The following SYT1 variants were observed in gnomAD, a reference collection of about 807,000 sequenced individuals.
The protein encoded by SYT1 is synaptotagmin-1.
A neutral mutation model predicts 44.8 loss-of-function variants in SYT1; 8 were observed. The observed-to-expected ratio is 0.18, with a 90% CI of 0.10 to 0.32. SYT1 has a LOEUF of 0.32. Ranked by LOEUF, SYT1 falls within the 10% of genes least tolerant of loss-of-function variation. The pLI is 1.00. For synonymous variants in SYT1, 154 were observed against 188.8 expected (o/e 0.82, Z 1.51); for missense variants, 286 against 509.3 (o/e 0.56, Z 4.22).
At chr12:78,978,653 C>T (rs73148226) in intron 2 of SYT1, among the ~76,000 whole-genome samples, 8,254 of 152,220 alleles carry the variant, frequency 0.054, 253 homozygotes, top group Admixed American at 0.087. Flanking sequence ...ATGAAGTAAA[C>T]GTGAGGTGAT....
At chr12:79,142,685 T>C (rs1342582690) in intron 3 of SYT1, among the ~76,000 whole-genome samples, 1 of 152,192 alleles carries the variant, frequency 6.6e-6, no homozygotes, top group South Asian at 2.1e-4. Context: ...CTCTAGGCAA[T>C]TCATAATTTC....
At chr12:79,043,593 G>C (rs1416080842) in intron 2 of SYT1, among the ~76,000 whole-genome samples, 1 of 151,336 alleles carries the variant, frequency 6.6e-6, no homozygotes, top group Non-Finnish European at 1.5e-5. Flanking sequence ...ATGCCAGTCT[G>C]TGTCTTTTAA....
chr12:79,008,444 G>T (rs77228808), intron 2 of SYT1, among the ~76,000 whole-genome samples: 2 of 152,130 alleles, frequency 1.3e-5, no homozygotes, highest in African/African-American at 4.8e-5. Flanking sequence ...GTTTTCAGCA[G>T]ATAAATACTA....
In SYT1 at chr12:79,090,220, A is replaced by T. The variant is rs1263313434; in HGVS notation, c.-18+42858A>T. 2.6e-5 allele frequency among the ~76,000 whole-genome samples: 4 copies of T among 152,192 alleles called. No individual in the cohort carries two copies. In the East Asian group the frequency reaches 7.7e-4, roughly 29 times the overall value. ...TTGTAGTAAAACTATCCCATTAAAA[A>T]GTTTTTAAGATGTGGAGAATAGATC... On this transcript the variant is annotated intron_variant, in intron 3 of 10. Coordinates refer to ENST00000261205, the MANE Select transcript of SYT1 (RefSeq NM_005639.3).
intron 3 of SYT1, among the ~76,000 whole-genome samples, chr12:79,083,737 A>C (rs1877193882): frequency 6.6e-6 from 1 of 152,144 alleles, no homozygotes; most frequent in Admixed American, 6.6e-5. Flanking sequence ...TGTAATATAC[A>C]CCAACTTCAG....
upstream of SYT1, chr12:78,864,006 C>A (rs1222055847): frequency 2.6e-5 from 4 of 152,210 alleles, no homozygotes; most frequent in African/African-American, 9.7e-5. Flanking sequence ...TCGGCTCCAC[C>A]GCACCCTTCG....
chr12:78,937,665 T>A (rs536502790), intron 1 of SYT1, among the ~76,000 whole-genome samples: 1 of 152,218 alleles, frequency 6.6e-6, no homozygotes, highest in South Asian at 2.1e-4. Flanking sequence ...AGAGAAACGG[T>A]GTTTATGTGT....
At chr12:79,275,296 G>T (rs1878652411) in intron 4 of SYT1, among the ~76,000 whole-genome samples, 1 of 152,110 alleles carries the variant, frequency 6.6e-6, no homozygotes, top group Non-Finnish European at 1.5e-5. Context: ...AAGAGATTTG[G>T]AGAAGGGTAC....
intron 6 of SYT1, 95 bp from the exon 7 acceptor site, chr12:79,295,973 AG>A: frequency 1.5e-6 from 2 of 1,298,634 alleles, no homozygotes; most frequent in Non-Finnish European, 2.1e-6. Flanking sequence ...AAATAGGAAG[AG>A]GGAGAAATCC....
intron 5 of SYT1, among the ~76,000 whole-genome samples, chr12:79,291,161 C>T (rs1047469271): frequency 2.0e-5 from 3 of 152,188 alleles, no homozygotes; most frequent in East Asian, 3.9e-4. Context: ...CTAATATTTC[C>T]ATTTATAGTA....
intron 8 of SYT1, among the ~76,000 whole-genome samples, chr12:79,353,161 T>A (rs535648603): frequency 6.6e-6 from 1 of 152,272 alleles, no homozygotes; most frequent in South Asian, 2.1e-4. Context: ...AACATGAAAA[T>A]TTTGCCAAGA....
At chr12:79,402,752 C>T (rs1885116309) in intron 9 of SYT1, among the ~76,000 whole-genome samples, 1 of 152,154 alleles carries the variant, frequency 6.6e-6, no homozygotes, top group Non-Finnish European at 1.5e-5. Context: ...GATAATAAGA[C>T]ACCATATCCA....
chr12:79,031,905 C>A (rs1202707929), intron 2 of SYT1, among the ~76,000 whole-genome samples: 1 of 151,040 alleles, frequency 6.6e-6, no homozygotes, highest in Non-Finnish European at 1.5e-5. Context: ...TGCAAGCTGG[C>A]ATGTAAGCCT....
chr12:79,435,175 G>A (rs950038272), intron 9 of SYT1, among the ~76,000 whole-genome samples: 11 of 152,150 alleles, frequency 7.2e-5, no homozygotes, highest in African/African-American at 2.4e-4. Flanking sequence ...GCATCCATAA[G>A]AGGAAAGCCT....
chr12:79,281,726 A>C (rs1014393513), intron 4 of SYT1, among the ~76,000 whole-genome samples: 2 of 152,220 alleles, frequency 1.3e-5, no homozygotes, highest in African/African-American at 4.8e-5. Context: ...AATATTACTA[A>C]TGTATAGTTA....
chr12:78,980,625 T>C (rs1230254485), intron 2 of SYT1, among the ~76,000 whole-genome samples: 2 of 152,174 alleles, frequency 1.3e-5, no homozygotes, highest in Non-Finnish European at 2.9e-5. Flanking sequence ...ATGCTATAAA[T>C]GCTGTTTCAT....
At chr12:79,179,493 CTATATA>C (rs1358906392) in intron 3 of SYT1, among the ~76,000 whole-genome samples, 1 of 110,384 alleles carries the variant, frequency 9.1e-6, no homozygotes. Context: ...ATAGATATAT[CTATATA>C]GATATAGATA....
chr12:79,326,256 G>T (rs74107504), intron 8 of SYT1, among the ~76,000 whole-genome samples: 1 of 152,146 alleles, frequency 6.6e-6, no homozygotes, highest in Non-Finnish European at 1.5e-5. Flanking sequence ...CCTGTGACAA[G>T]CTATAGTTAA....
At chr12:79,066,504 A>C (rs1035064027) in intron 3 of SYT1, among the ~76,000 whole-genome samples, 11 of 151,312 alleles carry the variant, frequency 7.3e-5, no homozygotes, top group African/African-American at 2.4e-4. Context: ...AAAAAAAACA[A>C]CTCAGTGACA....
Sources: gnomAD v4.1 joint callset for allele counts (sites outside exome capture counted in the v4.1 genomes callset) on GRCh38, gnomAD v4.1.1 for gene constraint, MANE v1.5 for transcripts, NCBI Gene and HGNC (gene_info 2026-07-23, HGNC 2026-07-21) for gene names.